TTF2: variants seen among roughly 807,000 people sequenced by gnomAD.
TTF2 encodes the protein RNA polymerase II termination factor.
In TTF2, 108 loss-of-function variants were observed where a neutral mutation model predicts 142.4. That is an observed-to-expected ratio of 0.76 (90% CI 0.65 to 0.89). The LOEUF (loss-of-function observed/expected upper bound fraction) is 0.89, where lower values mean the gene tolerates loss of function less well. TTF2 is among the 40% of genes least tolerant of loss of function. TTF2 has a pLI of 0.00. For missense variants in TTF2, 1,327 were observed against 1,379.8 expected, an observed-to-expected ratio of 0.96 and a Z score of 0.61; for synonymous variants, 483 against 506.2, an observed-to-expected ratio of 0.95 and a Z score of 0.61.
In TTF2 at chr1:117,060,548, G is replaced by C; in HGVS notation, c.122G>C (p.Arg41Pro). Residue 41 changes from arginine (R) to proline (P), a missense_variant, in exon 2 of 23, where the codon CGG (arginine) becomes CCG (proline). Physicochemically the swap from Arg to Pro is moderately radical, Grantham distance 103. Transcript: ENST00000369466. The part of the protein sequence containing the change: ...VCRADTCSFV[R>P]ATDIPVSHCL... ...CGGGCAGACACGTGCAGCTTCGTGC[G>C]GGCCACCGAGTAGGTCTGGAGCTGG... is the stretch of plus-strand genomic sequence containing the variant. 6.2e-7 allele frequency: 1 copy of C among 1,610,236 alleles called. No individual in the cohort carries two copies. The highest frequency in any genetic ancestry group is 8.5e-7 in the Non-Finnish European group (1 of 1,177,864).
chr1:117,089,252 AATATATGCT>A (rs1648332317), intron 13 of TTF2, among the ~76,000 whole-genome samples: 1 of 115,522 alleles, frequency 8.7e-6, no homozygotes, highest in Non-Finnish European at 1.9e-5. Flanking sequence ...AATATATGCA[AATATATGCT>A]ATATATATAT....
chr1:117,078,099 A>C (rs1489928043), intron 8 of TTF2, 56 bp downstream of exon 8: 1 of 1,585,338 alleles, frequency 6.3e-7, no homozygotes, highest in Admixed American at 1.7e-5. Flanking sequence ...CAGCAGCCCC[A>C]TGAAACTGCT....
At chr1:117,083,638 C>A (rs1234214170) in intron 10 of TTF2, among the ~76,000 whole-genome samples, 3 of 152,158 alleles carry the variant, frequency 2.0e-5, no homozygotes, top group Non-Finnish European at 4.4e-5. Context: ...CTTTCCTCCC[C>A]CTGTTTAGCC....
chr1:117,072,734 TA>T (rs1029722777), intron 3 of TTF2, among the ~76,000 whole-genome samples: 4 of 152,170 alleles, frequency 2.6e-5, no homozygotes, highest in African/African-American at 9.7e-5. Flanking sequence ...AGATATGAAC[TA>T]TTTTTTAAAA....
At chr1:117,067,494 C>T (rs1037820005) in intron 3 of TTF2, among the ~76,000 whole-genome samples, 1 of 134,728 alleles carries the variant, frequency 7.4e-6, no homozygotes, top group Non-Finnish European at 1.5e-5. Flanking sequence ...CATTACACTC[C>T]AACCTGGATG....
rs757000729 is a variant in TTF2 at position 117,090,630 on chromosome 1, G to C, written c.2588+7G>C. The C allele has an allele frequency of 9.3e-6, 15 of 1,608,732 alleles. No homozygotes were observed. The highest frequency in any genetic ancestry group is 8.4e-5 in the Admixed American group (5 of 59,774). On this transcript the variant is annotated splice_region_variant and intron_variant, in intron 15 of 22. Coordinates refer to ENST00000369466, the MANE Select transcript of TTF2 (RefSeq NM_003594.4). This position sits in a 1 kb window ranked among gnomAD's most constrained non-coding sequence, Gnocchi z 4.8. ...TGTTTTTTGCAAGATCAAGGTGTGT[G>C]TATTAAAGAAGCACCTTCTCACACA... is the stretch of plus-strand genomic sequence containing the variant.
Position 117,104,169 on chromosome 1 carries a change from G to T in TTF2, c.*2645G>T, listed in dbSNP as rs545993463. On this transcript the variant is annotated 3_prime_UTR_variant, in exon 23 of 23. Coordinates refer to ENST00000369466, the MANE Select transcript of TTF2 (RefSeq NM_003594.4). ...GTCACCTGAGAAGCAGTGGCTCCCA[G>T]GCCAGCAAGAATGTACAAACCTGGC... The T allele has an allele frequency of 3.9e-5, 6 of 152,172 alleles. No individual in the cohort carries two copies. Among genetic ancestry groups the T allele is most frequent in the Non-Finnish European group, 7.4e-5 (5 of 68,026 alleles). 9.4% of individuals were successfully genotyped at this position (152,172 alleles called of 1,614,324 possible).
At position 117,062,388 on chromosome 1, in the gene TTF2, A is replaced by G; in HGVS notation, c.133A>G (p.Ile45Val). The G allele has an allele frequency of 6.2e-7, 1 of 1,611,974 alleles. No individual in the cohort carries two copies. The highest frequency in any genetic ancestry group is 2.2e-5 in the East Asian group (1 of 44,848). The change falls in exon 3 of 23, where the codon ATT becomes GTT. Residue 45 changes from isoleucine (I) to valine (V), a missense_variant and splice_region_variant. Ile to Val is a conservative substitution (Grantham distance 29, BLOSUM62 3). Transcript: ENST00000369466. The part of the protein sequence containing the change: ...DTCSFVRATD[I>V]PVSHCLLHED... ...TTTCAACTTTTTTCTTTTCTCTAGC[A>G]TTCCTGTTTCCCATTGCTTATTGCA...
At chr1:117,067,524 C>CAAAA (rs1161287519) in intron 3 of TTF2, among the ~76,000 whole-genome samples, 1 of 40,938 alleles carries the variant, frequency 2.4e-5, no homozygotes, top group Non-Finnish European at 5.5e-5. Context: ...GACTCAGTCT[C>CAAAA]AAAAAAAAAA....
rs751101641 is a variant in TTF2 at position 117,078,037 on chromosome 1, G to A, written c.1695G>A (p.Gly565=). The stretch of plus-strand genomic sequence containing the variant: ...CGGTTGTGGCAGAAGATCCCGCCGG[G>A]CTGAAGGTGAGCCAGGGAAGACTCC... The part of the protein sequence containing the change: ...GETVVAEDPA[G]LKVPLLLHQK... Residue 565 remains glycine, a synonymous_variant, in exon 8 of 23, where the codon GGG becomes GGA. Transcript: ENST00000369466. 3 of 1,613,864 alleles carry A rather than the reference G, an allele frequency of 1.9e-6. No individual in the cohort carries two copies. The South Asian group carries it at 3.3e-5, about 18-fold the overall frequency.
In TTF2 at chr1:117,098,903, C is replaced by T. The variant is rs138774321; in HGVS notation, c.3340C>T (p.His1114Tyr). The T allele has an allele frequency of 1.2e-6, 2 of 1,612,878 alleles. No individual in the cohort carries two copies. The highest frequency in any genetic ancestry group is 1.7e-6 in the Non-Finnish European group (2 of 1,179,574). Residue 1114 changes from histidine to tyrosine, a missense_variant, in exon 22 of 23, where the codon CAC becomes TAC. Coordinates refer to ENST00000369466, the MANE Select transcript of TTF2 (RefSeq NM_003594.4). The part of the protein sequence containing the change: ...RVGQQKDVVI[H>Y]RFVCEGTVEE... ...AGGGCAGCAGAAAGATGTTGTCATA[C>T]ACAGGTAAGTAATGGTCCCCAGGAC...
At chr1:117,060,780 T>A (rs561872940) in intron 2 of TTF2, among the ~76,000 whole-genome samples, 1 of 152,322 alleles carries the variant, frequency 6.6e-6, no homozygotes, top group Admixed American at 6.5e-5. Context: ...CCCCCCTCTC[T>A]GGGCCGATGG....
Position 117,090,175 on chromosome 1 carries a change from A to G in TTF2, c.2463A>G (p.Thr821=). Residue 821 remains threonine, a synonymous_variant, in exon 14 of 23, where the codon ACA becomes ACG. Coordinates refer to ENST00000369466, the MANE Select transcript of TTF2 (RefSeq NM_003594.4). This position sits in a 1 kb window ranked among gnomAD's most constrained non-coding sequence, Gnocchi z 4.8. ...ILTKSLLLRR[T]KDQLDSTGRP... ...CCAAGAGCCTTTTGCTGAGGAGAAC[A>G]AAAGACCAGCTGGACTCTACTGGCA... 1 of 1,614,122 alleles carries G rather than the reference A, an allele frequency of 6.2e-7. No individual in the cohort carries two copies. Among genetic ancestry groups the G allele is most frequent in the Non-Finnish European group, 8.5e-7 (1 of 1,179,984 alleles).
intron 20 of TTF2, among the ~76,000 whole-genome samples, chr1:117,096,954 A>C (rs2101213002): frequency 6.6e-6 from 1 of 152,330 alleles, no homozygotes; most frequent in African/African-American, 2.4e-5. Context: ...ATAGATAATA[A>C]AGATTTGGAA....
intron 11 of TTF2, 94 bp downstream of exon 11, chr1:117,084,262 A>G: frequency 6.7e-7 from 1 of 1,495,796 alleles, no homozygotes; most frequent in South Asian, 1.2e-5. Context: ...TCACTTAATC[A>G]GGACGCGTAT....
At position 117,063,061 on chromosome 1, in the gene TTF2, T is replaced by C. The variant is rs1341963375; in HGVS notation, c.218+588T>C. Among the ~76,000 whole-genome samples the C allele has an allele frequency of 6.6e-6, 1 of 152,204 alleles. No individual in the cohort carries two copies. The highest frequency in any genetic ancestry group is 1.5e-5 in the Non-Finnish European group (1 of 68,038). The stretch of plus-strand genomic sequence containing the variant: ...ATTTGTTAATAGTTTAACATATCTT[T>C]AAACAGAGACTTTAGGCGATAAGGC... On this transcript the variant is annotated intron_variant, in intron 3 of 22. Coordinates refer to ENST00000369466, the MANE Select transcript of TTF2 (RefSeq NM_003594.4). This position sits in a 1 kb window ranked among gnomAD's most constrained non-coding sequence, Gnocchi z 4.1.
chr1:117,069,003 T>C (rs1656373201), intron 3 of TTF2, among the ~76,000 whole-genome samples: 1 of 152,274 alleles, frequency 6.6e-6, no homozygotes, highest in African/African-American at 2.4e-5. Context: ...AATTCTTTAT[T>C]TCTCAGCTTC....
Position 117,085,734 on chromosome 1 carries a change from A to AAAAT in TTF2, c.2055-671_2055-668dup, listed in dbSNP as rs778623344. On this transcript the variant is annotated intron_variant, in intron 11 of 22. Coordinates refer to ENST00000369466, the MANE Select transcript of TTF2 (RefSeq NM_003594.4). This position sits in a 1 kb window ranked among gnomAD's most constrained non-coding sequence, Gnocchi z 4.7. ...AGAGTGAGACCCTACCTTGTCTCAA[A>AAAAT]AAATAAATAAATAAAATAAAGTATT... is the stretch of plus-strand genomic sequence containing the variant. Among the ~76,000 whole-genome samples the AAAAT allele has an allele frequency of 6.6e-6, 1 of 152,234 alleles. No individual in the cohort carries two copies. Among genetic ancestry groups the AAAAT allele is most frequent in the Admixed American group, 6.5e-5 (1 of 15,284 alleles).
intron 3 of TTF2, among the ~76,000 whole-genome samples, chr1:117,064,229 G>A (rs1342073100): frequency 6.6e-6 from 1 of 152,018 alleles, no homozygotes; most frequent in African/African-American, 2.4e-5. Flanking sequence ...TGTAATCCCA[G>A]CACTTTGGGA....
Sources: allele counts gnomAD v4.1 joint callset (sites outside exome capture counted in the v4.1 genomes callset), GRCh38; gene constraint gnomAD v4.1.1; non-coding constraint Gnocchi (gnomAD v3.1); transcripts MANE v1.5; gene names NCBI Gene and HGNC (gene_info 2026-07-23, HGNC 2026-07-21).